Variants in PIWIL1 observed in about 807,000 individuals in gnomAD.
The protein encoded by PIWIL1 is piwi-like protein 1.
PIWIL1 carries 73 observed loss-of-function variants against 114.4 expected under a neutral mutation model. The ratio of observed to expected loss-of-function variants is 0.64; its 90% confidence interval spans 0.53 to 0.78. The LOEUF is 0.78. Among genes scored for constraint, PIWIL1 ranks in the 30% least tolerant of loss-of-function variants. The pLI is 0.00. For missense variants in PIWIL1, 723 were observed against 1,063.1 expected (o/e 0.68, Z 4.45); for synonymous variants, 375 against 369.0 (o/e 1.02, Z -0.19).
At chr12:130,369,532 A>G (rs900296646) in intron 19 of PIWIL1, among the ~76,000 whole-genome samples, 1 of 32,598 alleles carries the variant, frequency 3.1e-5, no homozygotes, top group Non-Finnish European at 1.1e-4. Context: ...AAGTGTTCCT[A>G]TTTCTCTCAG....
Position 130,342,269 on chromosome 12 carries a change from C to T in PIWIL1, c.-12-311C>T. On this transcript the variant is annotated intron_variant, in intron 1 of 20. Coordinates refer to ENST00000245255, the MANE Select transcript of PIWIL1 (RefSeq NM_004764.5). ...AAAGAAAGAACCAGCCACCAGCATC[C>T]TAATTCTTTCAGCACTTTCTCCTCC... 3 of 334,986 alleles carry T rather than the reference C, an allele frequency of 9.0e-6. No homozygotes were observed. The South Asian group carries it at 1.2e-4, about 13-fold the overall frequency. 20.8% of individuals were successfully genotyped at this position (334,986 alleles called of 1,614,324 possible). A position where few individuals can be genotyped will look rare whatever the true frequency, so the allele number is the denominator to read the frequency against.
chr12:130,376,411 T>A (rs2136208551), downstream of PIWIL1, among the ~76,000 whole-genome samples: 1 of 152,352 alleles, frequency 6.6e-6, no homozygotes, highest in East Asian at 1.9e-4. Context: ...AAAGGAAAAG[T>A]GACCTCTCAG....
At chr12:130,373,676 A>G (rs568749685), downstream of PIWIL1, among the ~76,000 whole-genome samples, 1 of 152,246 alleles carries the variant, frequency 6.6e-6, no homozygotes, top group South Asian at 2.1e-4. Flanking sequence ...TGAACAGTCT[A>G]TTAAACAAGT....
the PIWIL1 span, among the ~76,000 whole-genome samples, chr12:130,406,713 C>G: frequency 6.6e-6 from 1 of 152,098 alleles, no homozygotes; most frequent in Non-Finnish European, 1.5e-5. Flanking sequence ...GCAGTGCAAC[C>G]TCGGCCCACT....
the PIWIL1 span, among the ~76,000 whole-genome samples, chr12:130,416,404 A>G: frequency 1.3e-5 from 2 of 152,148 alleles, no homozygotes; most frequent in African/African-American, 4.8e-5. Context: ...AGAATAGAGA[A>G]CCAGAAATAA....
At chr12:130,421,261 T>C in the PIWIL1 span, among the ~76,000 whole-genome samples, 16 of 152,274 alleles carry the variant, frequency 1.1e-4, no homozygotes, top group African/African-American at 3.4e-4. Context: ...CTAACCCTGC[T>C]AGCTGATCTG....
intron 19 of PIWIL1, among the ~76,000 whole-genome samples, chr12:130,369,140 A>T (rs1467056288): frequency 6.6e-6 from 1 of 152,216 alleles, no homozygotes; most frequent in Non-Finnish European, 1.5e-5. Flanking sequence ...AAGTGAGAAC[A>T]TGCGGTGTTA....
chr12:130,367,048 A>T, intron 18 of PIWIL1, 85 bp from the exon 19 acceptor site: 1 of 1,493,072 alleles, frequency 6.7e-7, no homozygotes, highest in Non-Finnish European at 9.3e-7. Flanking sequence ...GTTCCTTTTT[A>T]AATGGAGCAT....
At position 130,371,669 on chromosome 12, in the gene PIWIL1, T is replaced by C. The variant is rs944372086; in HGVS notation, c.*71T>C. The C allele has an allele frequency of 5.1e-6, 5 of 972,730 alleles. No homozygotes were observed. The Admixed American group carries it at 1.2e-4, about 23-fold the overall frequency. 60.3% of individuals were successfully genotyped at this position (972,730 alleles called of 1,614,324 possible). The stretch of plus-strand genomic sequence containing the variant: ...GGATTTTTTTAAGCTTTTATTTACT[T>C]TTTTTTTAACTGTTATCTTTCTGGA... On this transcript the variant is annotated 3_prime_UTR_variant, in exon 21 of 21. Transcript: ENST00000245255.
At chr12:130,358,646 A>G (rs1403069393) in intron 14 of PIWIL1, among the ~76,000 whole-genome samples, 4 of 151,906 alleles carry the variant, frequency 2.6e-5, no homozygotes, top group African/African-American at 7.3e-5. Flanking sequence ...CATTTTCCCA[A>G]TCCCATCAGT....
rs1291463168 is a variant in PIWIL1 at position 130,345,753 on chromosome 12, G to A, written c.191G>A (p.Gly64Glu). 1.2e-6 allele frequency: 2 copies of A among 1,611,910 alleles called. No homozygotes were observed. Residue 64 changes from glycine (G) to glutamate (E), a missense_variant and splice_region_variant, in exon 4 of 21, where the codon GGA becomes GAA. Physicochemically the swap from Gly to Glu is moderately conservative, Grantham distance 98. Transcript: ENST00000245255. ...CTCAAGTACACAATTTTTTTTTAAG[G>A]ACTCCAGATATCTGCTGGATTTCAG... ...GTAGGTAKSQ[G>E]LQISAGFQEL...
chr12:130,376,065 C>G (rs572167809), downstream of PIWIL1, among the ~76,000 whole-genome samples: 1 of 145,376 alleles, frequency 6.9e-6, no homozygotes, highest in East Asian at 1.9e-4. Flanking sequence ...ACCCATGACT[C>G]ATTTGTATGA....
the PIWIL1 span, among the ~76,000 whole-genome samples, chr12:130,407,412 T>C: frequency 6.6e-6 from 1 of 152,134 alleles, no homozygotes; most frequent in Non-Finnish European, 1.5e-5. Context: ...CTTTTATTTC[T>C]CTCCTAAAGA....
At position 130,349,916 on chromosome 12, in the gene PIWIL1, C is replaced by T. The variant is rs920519606; in HGVS notation, c.993C>T (p.Thr331=). 1.2e-6 allele frequency: 2 copies of T among 1,613,524 alleles called. No individual in the cohort carries two copies. Among genetic ancestry groups the T allele is most frequent in the South Asian group, 1.1e-5 (1 of 91,000 alleles). Residue 331 remains threonine, a synonymous_variant, in exon 9 of 21, where the codon ACC becomes ACT. Transcript: ENST00000245255. ...ACTGGGACCAGAATCCCAAGAGCAC[C>T]TTTAAGAAAGCCGACGGCTCTGAAG... ...DIDWDQNPKS[T]FKKADGSEVS...
At chr12:130,408,426 C>T in the PIWIL1 span, among the ~76,000 whole-genome samples, 8 of 152,160 alleles carry the variant, frequency 5.3e-5, no homozygotes, top group Non-Finnish European at 1.0e-4. Context: ...TAGCAGCGGC[C>T]GTAGAGAAGA....
the PIWIL1 span, among the ~76,000 whole-genome samples, chr12:130,395,159 C>G: frequency 6.6e-6 from 1 of 152,288 alleles, no homozygotes; most frequent in East Asian, 1.9e-4. Context: ...TCTTTGAGTA[C>G]TCTGTACAGT....
the PIWIL1 span, among the ~76,000 whole-genome samples, chr12:130,420,092 G>GA: frequency 6.6e-6 from 1 of 152,260 alleles, no homozygotes; most frequent in East Asian, 1.9e-4. The surrounding 1 kb of genome is among the most constrained non-coding windows in gnomAD (Gnocchi z 4.3). Context: ...ATTTTCACAA[G>GA]AAAAATAGAA....
intron 14 of PIWIL1, among the ~76,000 whole-genome samples, chr12:130,359,932 A>T (rs185994691): frequency 2.0e-5 from 3 of 152,336 alleles, no homozygotes; most frequent in Admixed American, 6.5e-5. Context: ...GATTTCACTG[A>T]TTATTAGGCA....
the PIWIL1 span, among the ~76,000 whole-genome samples, chr12:130,413,707 G>T: frequency 1.4e-5 from 2 of 146,934 alleles, no homozygotes; most frequent in African/African-American, 5.0e-5. Context: ...GTGTATTAAA[G>T]AACTAAGGCA....
Sources: allele counts gnomAD v4.1 joint callset (sites outside exome capture counted in the v4.1 genomes callset), GRCh38; gene constraint gnomAD v4.1.1; non-coding constraint Gnocchi (gnomAD v3.1); transcripts MANE v1.5; gene names NCBI Gene and HGNC (gene_info 2026-07-23, HGNC 2026-07-21).